UTRN: variants seen among roughly 807,000 people sequenced by gnomAD.
The protein encoded by UTRN is dystrophin-related protein 1.
UTRN carries 283 observed loss-of-function variants against 463.9 expected under a neutral mutation model. The observed-to-expected ratio is 0.61, with a 90% CI of 0.55 to 0.67. The LOEUF is 0.67. Among genes scored for constraint, UTRN ranks in the 30% least tolerant of loss-of-function variants. The probability of loss-of-function intolerance (pLI) is 0.00; values close to 1 mark genes in which losing one functional copy is unlikely to be tolerated. For synonymous variants in UTRN, 1,442 were observed against 1,431.5 expected (o/e 1.01, Z -0.17); for missense variants, 3,922 against 4,084.3 (o/e 0.96, Z 1.08).
chr6:144,639,275 C>G (rs1365174248), intron 51 of UTRN, among the ~76,000 whole-genome samples: 3 of 152,106 alleles, frequency 2.0e-5, no homozygotes, highest in Non-Finnish European at 4.4e-5. Context: ...GTCATATACT[C>G]TTAATTTTAT....
At chr6:144,447,813 A>C in intron 16 of UTRN, 32 bp downstream of exon 16, 1 of 1,557,340 alleles carries the variant, frequency 6.4e-7, no homozygotes, top group Non-Finnish European at 8.7e-7. Flanking sequence ...ATGTTGTGCC[A>C]TGAAGTAAAC....
rs182683407 is a variant in UTRN, at chr6:144,646,614, C to T, written c.7480-31792C>T. 3.9e-5 allele frequency among the ~76,000 whole-genome samples: 6 copies of T among 152,116 alleles called. No individual in the cohort carries two copies. The East Asian group carries it at 9.7e-4, about 25-fold the overall frequency. Reference sequence around the variant, plus strand: ...TCACCATGCCAACATTCCTTTATTCCCTATCATAATACCGATCAAGAAATG... The same window carrying T: ...TCACCATGCCAACATTCCTTTATTCTCTATCATAATACCGATCAAGAAATG... On this transcript the variant is annotated intron_variant, in intron 51 of 74. Coordinates refer to ENST00000367545, the MANE Select transcript of UTRN (RefSeq NM_007124.3).
intron 52 of UTRN, among the ~76,000 whole-genome samples, chr6:144,690,107 G>T (rs866157784): frequency 0.011 from 812 of 76,990 alleles, 5 homozygotes; most frequent in African/African-American, 0.03. Flanking sequence ...GTGTGTGTGT[G>T]TGTGTGTGTG....
At chr6:144,551,162 C>CACACAT in intron 48 of UTRN, 80 bp downstream of exon 48, 2 of 811,352 alleles carry the variant, frequency 2.5e-6, no homozygotes, top group Non-Finnish European at 3.7e-6. Flanking sequence ...CACACACACA[C>CACACAT]ACACACAAAC....
chr6:144,291,954 A>G, intron 2 of UTRN, 47 bp downstream of exon 2: 1 of 1,571,846 alleles, frequency 6.4e-7, no homozygotes, highest in East Asian at 2.3e-5. Flanking sequence ...ATGTATTTAG[A>G]AAACCTATGT....
chr6:144,708,522 A>G (rs932137617), intron 53 of UTRN: 1 of 392,486 alleles, frequency 2.5e-6, no homozygotes, highest in Non-Finnish European at 4.8e-6. Context: ...AGGTCCTGGT[A>G]TAGAAAAAAA....
At chr6:144,743,275 C>T (rs1790303174) in intron 54 of UTRN, among the ~76,000 whole-genome samples, 1 of 152,054 alleles carries the variant, frequency 6.6e-6, no homozygotes, top group South Asian at 2.1e-4. Context: ...ATGTTGATAT[C>T]ATAATTGAGA....
intron 9 of UTRN, among the ~76,000 whole-genome samples, chr6:144,433,948 G>C (rs568398025): frequency 6.6e-6 from 1 of 152,230 alleles, no homozygotes; most frequent in Non-Finnish European, 1.5e-5. Context: ...GGTGGCAGCC[G>C]GGCAGAGGCT....
At chr6:144,510,806 A>G in intron 34 of UTRN, 138 bp from the exon 35 acceptor site, 1 of 694,130 alleles carries the variant, frequency 1.4e-6, no homozygotes, top group Non-Finnish European at 2.0e-6. Context: ...AATTTTGTAA[A>G]CTTTGACATT....
At chr6:144,771,645 C>G (rs929643880) in intron 58 of UTRN, among the ~76,000 whole-genome samples, 1 of 151,954 alleles carries the variant, frequency 6.6e-6, no homozygotes, top group Non-Finnish European at 1.5e-5. Context: ...AGGCTTGTCT[C>G]AATCTCCTGA....
chr6:144,850,892 G>T (rs1379696641), intron 74 of UTRN, 97 bp from the exon 75 acceptor site: 8 of 1,546,918 alleles, frequency 5.2e-6, no homozygotes, highest in Non-Finnish European at 7.1e-6. Flanking sequence ...TAAGACTCTT[G>T]AAAGAAGCAC....
At chr6:144,828,924 C>A in intron 69 of UTRN, 69 bp downstream of exon 69, 1 of 1,528,748 alleles carries the variant, frequency 6.5e-7, no homozygotes, top group East Asian at 2.3e-5. Flanking sequence ...CAGAAACAAT[C>A]TTCACTGATG....
chr6:144,328,744 C>T (rs1053000942), intron 2 of UTRN, among the ~76,000 whole-genome samples: 1 of 151,870 alleles, frequency 6.6e-6, no homozygotes, highest in South Asian at 2.1e-4. Flanking sequence ...TTCATCCCCC[C>T]TTCATTGCCC....
intron 33 of UTRN, among the ~76,000 whole-genome samples, chr6:144,497,838 T>C (rs1793807860): frequency 1.3e-5 from 2 of 152,198 alleles, no homozygotes; most frequent in Admixed American, 6.5e-5. Context: ...GTGGATTTTA[T>C]GAGTCATCTG....
chr6:144,722,409 C>T (rs1417394618), intron 53 of UTRN, among the ~76,000 whole-genome samples: 2 of 152,036 alleles, frequency 1.3e-5, no homozygotes, highest in Admixed American at 1.3e-4. Context: ...ACCCACCATC[C>T]TCTCCCACTC....
intron 51 of UTRN, among the ~76,000 whole-genome samples, chr6:144,629,508 C>T (rs898206974): frequency 1.3e-5 from 2 of 152,208 alleles, no homozygotes; most frequent in Non-Finnish European, 2.9e-5. Flanking sequence ...CTGTCTGTGC[C>T]TCCTTGATCA....
chr6:144,297,043 T>C (rs1013093471), intron 2 of UTRN, among the ~76,000 whole-genome samples: 3 of 152,182 alleles, frequency 2.0e-5, no homozygotes, highest in African/African-American at 7.2e-5. Flanking sequence ...GAATTCCTTT[T>C]TCTCTTTTCT....
intron 52 of UTRN, among the ~76,000 whole-genome samples, chr6:144,682,136 C>A (rs1052888175): frequency 6.6e-6 from 1 of 152,010 alleles, no homozygotes; most frequent in Admixed American, 6.6e-5. Flanking sequence ...CTCCCCATCA[C>A]CCCCCTGCCC....
intron 2 of UTRN, among the ~76,000 whole-genome samples, chr6:144,357,797 A>G (rs1778702751): frequency 6.6e-6 from 1 of 152,268 alleles, no homozygotes; most frequent in Non-Finnish European, 1.5e-5. Context: ...TTTTTATTTC[A>G]AATAAGATGC....
Sources: gnomAD v4.1 joint callset for allele counts (sites outside exome capture counted in the v4.1 genomes callset) on GRCh38, gnomAD v4.1.1 for gene constraint, MANE v1.5 for transcripts, NCBI Gene and HGNC (gene_info 2026-07-23, HGNC 2026-07-21) for gene names.